Variants in CNTRL observed in about 807,000 individuals in gnomAD.
The protein encoded by CNTRL is 110 kDa centrosomal protein.
In CNTRL, 233 loss-of-function variants were observed where a neutral mutation model predicts 303.7. The ratio of observed to expected loss-of-function variants is 0.77; its 90% CI spans 0.69 to 0.86. The LOEUF is 0.86. Among genes scored for constraint, CNTRL ranks in the 40% least tolerant of loss-of-function variants. The pLI, the probability that CNTRL is intolerant of heterozygous loss-of-function variation, is 0.00. For synonymous variants in CNTRL, 900 were observed against 922.2 expected (o/e 0.98, Z 0.44); for missense variants, 2,524 against 2,650.6 (o/e 0.95, Z 1.05).
chr9:121,163,760 G>A (rs1021500670), intron 34 of CNTRL, among the ~76,000 whole-genome samples: 1 of 151,884 alleles, frequency 6.6e-6, no homozygotes, highest in Non-Finnish European at 1.5e-5. Context: ...GAAAAGATAC[G>A]CAGGATAATT....
At chr9:121,076,847 G>A (rs984566166) in intron 1 of CNTRL, among the ~76,000 whole-genome samples, 1 of 152,120 alleles carries the variant, frequency 6.6e-6, no homozygotes, top group Non-Finnish European at 1.5e-5. Context: ...GTAGGTCAGA[G>A]GGTATGGGAT....
At position 121,089,454 on chromosome 9, in the gene CNTRL, T is replaced by A. The variant is rs184384781; in HGVS notation, c.218-821T>A. ...ACTTTTTAGGGCTACTTTTGTAAAA[T>A]GTAATGTGGCATTAACAGTCTTTGA... On this transcript the variant is annotated intron_variant, in intron 3 of 43. Coordinates refer to ENST00000373855, the MANE Select transcript of CNTRL (RefSeq NM_007018.6). 1.3e-3 allele frequency among the ~76,000 whole-genome samples: 203 copies of A among 152,258 alleles called. 2 individuals carry two copies. The highest frequency in any genetic ancestry group is 4.5e-3 in the African/African-American group (186 of 41,564).
At chr9:121,133,259 T>C (rs554896206) in intron 14 of CNTRL, among the ~76,000 whole-genome samples, 2 of 152,344 alleles carry the variant, frequency 1.3e-5, no homozygotes, top group East Asian at 3.9e-4. Context: ...GGAGTCTACA[T>C]GTAGAGGCAG....
rs76574191 is a variant in CNTRL at position 121,111,516 on chromosome 9, G to A, written c.1003-943G>A. Among the ~76,000 whole-genome samples the A allele has an allele frequency of 1.5e-3, 231 of 151,988 alleles. 2 individuals carry two copies. The highest frequency in any genetic ancestry group is 5.3e-3 in the African/African-American group (219 of 41,474). On this transcript the variant is annotated intron_variant, in intron 8 of 43. Transcript: ENST00000373855. Reference sequence around the variant, plus strand: ...TTGTAAAATGTTTGTGTTTGTTTATGTTTTATTCTCTTCAGCTTGCACTTT... The same window carrying A: ...TTGTAAAATGTTTGTGTTTGTTTATATTTTATTCTCTTCAGCTTGCACTTT...
At chr9:121,136,700 A>T (rs1326502650) in intron 15 of CNTRL, among the ~76,000 whole-genome samples, 1 of 152,176 alleles carries the variant, frequency 6.6e-6, no homozygotes, top group African/African-American at 2.4e-5. Flanking sequence ...TATACTTGCA[A>T]GTTACAGAAA....
chr9:121,109,081 A>G (rs538659506), intron 8 of CNTRL, among the ~76,000 whole-genome samples: 3 of 152,282 alleles, frequency 2.0e-5, no homozygotes, highest in East Asian at 3.9e-4. Context: ...ACCAAAATCC[A>G]TGGATGCTCA....
At chr9:121,164,055 G>A (rs1400469212) in intron 34 of CNTRL, among the ~76,000 whole-genome samples, 34 of 151,952 alleles carry the variant, frequency 2.2e-4, no homozygotes, top group Admixed American at 2.0e-3. Context: ...TAGTAGAGAC[G>A]GGGTTTCACC....
chr9:121,162,596 A>G (rs1414110513), intron 34 of CNTRL, among the ~76,000 whole-genome samples: 2 of 152,220 alleles, frequency 1.3e-5, no homozygotes, highest in Non-Finnish European at 2.9e-5. Flanking sequence ...CTCTAGATTC[A>G]AAACAGTTAA....
At chr9:121,139,889 C>T (rs1052203532) in intron 16 of CNTRL, among the ~76,000 whole-genome samples, 2 of 152,158 alleles carry the variant, frequency 1.3e-5, no homozygotes, top group African/African-American at 4.8e-5. Flanking sequence ...GGGGCTTCTC[C>T]AAAGTAGAAA....
chr9:121,126,529 C>T (rs1405084909), intron 14 of CNTRL, among the ~76,000 whole-genome samples: 3 of 152,084 alleles, frequency 2.0e-5, no homozygotes, highest in Non-Finnish European at 4.4e-5. Flanking sequence ...TATGAAATAT[C>T]TCAGGCATAT....
At chr9:121,134,650 G>A (rs899233623) in intron 14 of CNTRL, among the ~76,000 whole-genome samples, 11 of 152,110 alleles carry the variant, frequency 7.2e-5, no homozygotes, top group African/African-American at 2.6e-4. Flanking sequence ...TCCCAAGAAT[G>A]TGTGTGTGTG....
At chr9:121,175,998 A>G (rs2053508890) in intron 43 of CNTRL, among the ~76,000 whole-genome samples, 1 of 152,238 alleles carries the variant, frequency 6.6e-6, no homozygotes, top group African/African-American at 2.4e-5. Context: ...GAGCTTAGAT[A>G]AGGTTAATAA....
chr9:121,152,811 T>C (rs768737890), intron 26 of CNTRL, 118 bp downstream of exon 26: 15 of 756,174 alleles, frequency 2.0e-5, no homozygotes, highest in Non-Finnish European at 2.8e-5. Flanking sequence ...CAGTAACCAC[T>C]AGCTCAGTGT....
chr9:121,138,513 C>A, intron 15 of CNTRL, 32 bp from the exon 16 acceptor site: 1 of 1,597,816 alleles, frequency 6.3e-7, no homozygotes, highest in Non-Finnish European at 8.5e-7. Flanking sequence ...TGCTGTTTTA[C>A]ACTTTCATGT....
At chr9:121,152,452 T>C (rs769721105) in intron 25 of CNTRL, 33 bp from the exon 26 acceptor site, 1 of 1,549,336 alleles carries the variant, frequency 6.5e-7, no homozygotes, top group South Asian at 1.1e-5. Flanking sequence ...CTGTGATGTT[T>C]CAGCACTGCA....
chr9:121,170,249 T>C (rs2053250558), intron 39 of CNTRL, among the ~76,000 whole-genome samples: 1 of 152,196 alleles, frequency 6.6e-6, no homozygotes, highest in Non-Finnish European at 1.5e-5. Context: ...GTTCAAGCGA[T>C]TCTCATGCCT....
At chr9:121,121,853 G>A (rs1588160316) in intron 12 of CNTRL, 22 of 985,374 alleles carry the variant, frequency 2.2e-5, no homozygotes, top group Non-Finnish European at 2.7e-5. Flanking sequence ...GTCAGAGAGG[G>A]AAGTGCACAT....
intron 7 of CNTRL, among the ~76,000 whole-genome samples, chr9:121,107,006 G>A (rs1012634281): frequency 3.3e-5 from 5 of 151,964 alleles, no homozygotes; most frequent in African/African-American, 9.7e-5. Flanking sequence ...CTTTTGTGAC[G>A]CTTTAGTGGG....
At chr9:121,175,280 T>C (rs1236898249) in intron 43 of CNTRL, 56 bp downstream of exon 43, 2 of 1,533,276 alleles carry the variant, frequency 1.3e-6, no homozygotes, top group South Asian at 1.1e-5. Flanking sequence ...TTTTTTGTCT[T>C]TTTTGAGACA....
Sources: allele counts gnomAD v4.1 joint callset (sites outside exome capture counted in the v4.1 genomes callset), GRCh38; gene constraint gnomAD v4.1.1; transcripts MANE v1.5; gene names NCBI Gene and HGNC (gene_info 2026-07-23, HGNC 2026-07-21).